RAPH1: variants seen among roughly 807,000 people sequenced by gnomAD.
The protein encoded by RAPH1 is ras-associated and pleckstrin homology domains-containing protein 1.
RAPH1 carries 18 observed loss-of-function variants against 88.1 expected under a neutral mutation model. The ratio of observed to expected loss-of-function variants is 0.20; its 90% CI spans 0.14 to 0.30. The LOEUF (loss-of-function observed/expected upper bound fraction) is 0.30. RAPH1 is among the 10% of genes least tolerant of loss of function. The pLI, the probability that RAPH1 is intolerant of heterozygous loss-of-function variation, is 1.00. For synonymous variants in RAPH1, 587 were observed against 559.0 expected (o/e 1.05, Z -0.71); for missense variants, 1,448 against 1,543.2 (o/e 0.94, Z 1.03).
intron 1 of RAPH1, among the ~76,000 whole-genome samples, chr2:203,497,000 T>C (rs1688545294): frequency 1.3e-5 from 2 of 152,226 alleles, no homozygotes; most frequent in South Asian, 2.1e-4. Flanking sequence ...ACATATGCCA[T>C]GGTGTTAATG....
intron 8 of RAPH1, among the ~76,000 whole-genome samples, chr2:203,457,038 C>G (rs1458175493): frequency 1.3e-5 from 2 of 152,070 alleles, no homozygotes; most frequent in African/African-American, 4.8e-5. Context: ...AAAGGGTCTT[C>G]AGTGGCCTAA....
chr2:203,529,423 G>A (rs772667371), intron 1 of RAPH1, among the ~76,000 whole-genome samples: 54 of 152,072 alleles, frequency 3.6e-4, no homozygotes, highest in Admixed American at 3.5e-3. Context: ...GTGCAATGGC[G>A]CCATCTCGGC....
At chr2:203,520,238 G>A (rs1385092850) in intron 1 of RAPH1, among the ~76,000 whole-genome samples, 1 of 151,998 alleles carries the variant, frequency 6.6e-6, no homozygotes, top group Middle Eastern at 3.2e-3. Flanking sequence ...AGGCTGAGGT[G>A]GGAGGATCAC....
intron 1 of RAPH1, among the ~76,000 whole-genome samples, chr2:203,500,607 G>C (rs1688699792): frequency 6.6e-6 from 1 of 152,156 alleles, no homozygotes. Context: ...AATGTCAAGA[G>C]GATGGAATAT....
Position 203,510,517 on chromosome 2 carries a change from T to C in RAPH1, c.1-15164A>G, listed in dbSNP as rs148011250. ...GCAGAGAGTATTCTCCAGGGTGGCA[T>C]CCCCCAGGCAATTAAGACATTTTCT... On this transcript the variant is annotated intron_variant, in intron 1 of 13. Coordinates refer to ENST00000319170, the MANE Select transcript of RAPH1 (RefSeq NM_213589.3). Among the ~76,000 whole-genome samples the C allele has an allele frequency of 1.2e-3, 184 of 151,910 alleles. 4 individuals are homozygous for C. The East Asian group carries it at 0.019, about 16-fold the overall frequency.
At chr2:203,524,411 T>C (rs1352942973) in intron 1 of RAPH1, among the ~76,000 whole-genome samples, 1 of 152,094 alleles carries the variant, frequency 6.6e-6, no homozygotes, top group Non-Finnish European at 1.5e-5. Flanking sequence ...ACCCAACACG[T>C]CCTCATAGGT....
intron 4 of RAPH1, among the ~76,000 whole-genome samples, chr2:203,473,930 T>C (rs961737642): frequency 6.6e-6 from 1 of 152,194 alleles, no homozygotes. Flanking sequence ...ATGCCAGCAT[T>C]AGAGATGCAA....
intron 4 of RAPH1, among the ~76,000 whole-genome samples, chr2:203,472,140 T>A (rs1032988712): frequency 4.6e-5 from 7 of 151,084 alleles, no homozygotes; most frequent in African/African-American, 9.8e-5. Context: ...TTTTTTTTTT[T>A]TTATTTTTTT....
intron 4 of RAPH1, among the ~76,000 whole-genome samples, chr2:203,482,470 G>A (rs1687774013): frequency 6.6e-6 from 1 of 152,240 alleles, no homozygotes; most frequent in African/African-American, 2.4e-5. Context: ...ACAGGCGTGA[G>A]TCACTGTGCC....
chr2:203,535,024 G>A (rs2106031074), intron 1 of RAPH1, 87 bp downstream of exon 1: 1 of 152,270 alleles, frequency 6.6e-6, no homozygotes, highest in Middle Eastern at 3.4e-3. Flanking sequence ...CCGGGAAAAT[G>A]GAGGCGGGAG....
chr2:203,511,062 AT>A (rs1689319269), intron 1 of RAPH1, among the ~76,000 whole-genome samples: 2 of 152,230 alleles, frequency 1.3e-5, no homozygotes, highest in South Asian at 4.1e-4. Context: ...TCAGCTTTGT[AT>A]TATGTGGTGG....
At position 203,487,060 on chromosome 2, in the gene RAPH1, C is replaced by T. The variant is rs1296146892; in HGVS notation, c.732+2524G>A. Among the ~76,000 whole-genome samples the T allele has an allele frequency of 4.6e-5, 7 of 152,116 alleles. No individual in the cohort carries two copies. In the South Asian group the frequency reaches 8.3e-4, roughly 18 times the overall value. ...CTTGCTGGGAGAGAGGAACTTTTCA[C>T]GTTTTACTTCAATTTGCCCCTATAC... On this transcript the variant is annotated intron_variant, in intron 4 of 13. Transcript: ENST00000319170.
intron 1 of RAPH1, among the ~76,000 whole-genome samples, chr2:203,512,621 CT>C (rs1201403582): frequency 0.016 from 1,984 of 125,846 alleles, 19 homozygotes; most frequent in African/African-American, 0.055. Flanking sequence ...CATCCCTTAC[CT>C]TTTTTTTTTT....
chr2:203,443,546 C>G (rs1159392128), intron 13 of RAPH1: 1 of 151,624 alleles, frequency 6.6e-6, no homozygotes, highest in Non-Finnish European at 1.5e-5. Flanking sequence ...GCTCAGGAAT[C>G]CAAAACTTTT....
chr2:203,466,590 C>T (rs562369730), intron 4 of RAPH1, among the ~76,000 whole-genome samples: 36 of 152,294 alleles, frequency 2.4e-4, no homozygotes, highest in Admixed American at 6.5e-4. Flanking sequence ...TCTTATGTTC[C>T]GCTTCCAAAG....
intron 1 of RAPH1, among the ~76,000 whole-genome samples, chr2:203,525,720 T>G (rs1440073074): frequency 6.6e-6 from 1 of 152,122 alleles, no homozygotes; most frequent in East Asian, 1.9e-4. Flanking sequence ...GAGTTTGCAG[T>G]GAGCTGAGAT....
At position 203,444,874 on chromosome 2, in the gene RAPH1, G is replaced by A. The variant is rs553157481; in HGVS notation, c.1770C>T (p.Ser590=). 7.0e-5 allele frequency: 113 copies of A among 1,613,490 alleles called. 1 individual carries two copies. In the South Asian group the frequency reaches 1.2e-3, roughly 17 times the overall value. ...AWKRGTQLEE[S]SKARMESMNR... The stretch of plus-strand genomic sequence containing the variant: ...ATTAAAACGAAGCTGTTACCTTGCT[G>A]GACTCTTCCAACTGAGTGCCTCGTT... Residue 590 remains serine (S), a synonymous_variant, in exon 13 of 14, where the codon TCC becomes TCT. Transcript: ENST00000319170.
chr2:203,444,572 T>G, intron 13 of RAPH1: 1 of 390,822 alleles, frequency 2.6e-6, no homozygotes, highest in Non-Finnish European at 4.5e-6. Context: ...AGGAAGAAAT[T>G]GTTATTTCTT....
At chr2:203,442,938 T>C (rs1581248513) in intron 13 of RAPH1, 1 of 152,216 alleles carries the variant, frequency 6.6e-6, no homozygotes, top group Admixed American at 6.5e-5. Flanking sequence ...CCAACTTCTT[T>C]AGTACATTTT....
Sources: allele counts gnomAD v4.1 joint callset (sites outside exome capture counted in the v4.1 genomes callset), GRCh38; gene constraint gnomAD v4.1.1; transcripts MANE v1.5; gene names NCBI Gene and HGNC (gene_info 2026-07-23, HGNC 2026-07-21).